The following FBN1 variants were observed in gnomAD, a reference collection of about 807,000 sequenced individuals.
FBN1 encodes fibrillin 1.
A neutral mutation model predicts 365.1 loss-of-function variants in FBN1; 29 were observed. That is an observed-to-expected ratio of 0.08 (90% CI 0.06 to 0.11). The LOEUF is 0.11. Among genes scored for constraint, FBN1 ranks in the 10% least tolerant of loss-of-function variants. FBN1 has a pLI of 1.00. For synonymous variants in FBN1, 1,210 were observed against 1,270.5 expected (o/e 0.95, Z 1.01); for missense variants, 2,476 against 3,703.2 (o/e 0.67, Z 8.60).
In FBN1 at chr15:48,470,766, A is replaced by G. The variant is rs2043367157; in HGVS notation, c.4337-10T>C. The G allele has an allele frequency of 6.2e-7, 1 of 1,613,520 alleles. No individual in the cohort carries two copies. The stretch of plus-strand genomic sequence containing the variant: ...GAGCACTCATCAATATCTTGGGGGG[A>G]GGGAGAAAAAAGCAAAAAACTTAAC... On this transcript the variant is annotated splice_polypyrimidine_tract_variant and intron_variant, in intron 35 of 65. Transcript: ENST00000316623.
rs191746938 is a variant in FBN1, at chr15:48,413,553, T to C, written c.8052-810A>G. Reference sequence around the variant, plus strand: ...TTTCACAAGTACCTTGTTTTGTTATTCTGCTTACTATTTCAGAGGCCACTT... The same window carrying C: ...TTTCACAAGTACCTTGTTTTGTTATCCTGCTTACTATTTCAGAGGCCACTT... On this transcript the variant is annotated intron_variant, in intron 64 of 65. Coordinates refer to ENST00000316623, the MANE Select transcript of FBN1 (RefSeq NM_000138.5). Among the ~76,000 whole-genome samples the C allele has an allele frequency of 5.9e-5, 9 of 152,356 alleles. No homozygotes were observed. In the East Asian group the frequency reaches 1.7e-3, roughly 29 times the overall value.
intron 54 of FBN1, among the ~76,000 whole-genome samples, chr15:48,433,527 C>A (rs1354907874): frequency 6.6e-6 from 1 of 152,176 alleles, no homozygotes; most frequent in Non-Finnish European, 1.5e-5. Flanking sequence ...TCATTTTATA[C>A]TGACAGAGAC....
intron 64 of FBN1, among the ~76,000 whole-genome samples, chr15:48,413,410 A>G (rs1014195231): frequency 1.3e-5 from 2 of 152,240 alleles, no homozygotes; most frequent in Non-Finnish European, 2.9e-5. Context: ...CACTAGGGCC[A>G]CTGGCTCCGA....
At chr15:48,448,028 A>G (rs1215953167) in intron 46 of FBN1, among the ~76,000 whole-genome samples, 1 of 152,170 alleles carries the variant, frequency 6.6e-6, no homozygotes, top group Non-Finnish European at 1.5e-5. Context: ...AGTGATGAGT[A>G]GGGCTGTCAG....
At position 48,427,782 on chromosome 15, in the gene FBN1, G is replaced by GAC. The variant is rs781182393; in HGVS notation, c.6998-11_6998-10dup. On this transcript the variant is annotated splice_polypyrimidine_tract_variant and intron_variant, in intron 57 of 65. Coordinates refer to ENST00000316623, the MANE Select transcript of FBN1 (RefSeq NM_000138.5). ...GTACCCTTCCCGATTGTCTGGAAGG[G>GAC]ACATTATATGGCAAAGGGGATGTCA... is the stretch of plus-strand genomic sequence containing the variant. The GAC allele has an allele frequency of 5.0e-6, 8 of 1,611,800 alleles. No individual in the cohort carries two copies. Among genetic ancestry groups the GAC allele is most frequent in the African/African-American group, 1.3e-5 (1 of 74,878 alleles).
intron 4 of FBN1, among the ~76,000 whole-genome samples, chr15:48,602,375 G>A (rs946899866): frequency 6.6e-6 from 1 of 152,140 alleles, no homozygotes; most frequent in Non-Finnish European, 1.5e-5. Flanking sequence ...AGTGGGGAGT[G>A]GGAGAGCATT....
chr15:48,528,348 A>G (rs1317480594), intron 8 of FBN1, among the ~76,000 whole-genome samples: 2 of 152,222 alleles, frequency 1.3e-5, no homozygotes, highest in Admixed American at 1.3e-4. Context: ...GAAGATAACA[A>G]TAACAAGAAC....
rs371929738 is a variant in FBN1 at position 48,516,268 on chromosome 15, A to C, written c.1242T>G (p.Pro414=). ...PPLGPIPPVL[P]VPPGFPPGPQ... Reference sequence around the variant, plus strand: ...GTCCAGGAGGAAAGCCAGGAGGAACAGGGAGAACTGGAGGAATGGGGCCAA... The same window carrying C: ...GTCCAGGAGGAAAGCCAGGAGGAACCGGGAGAACTGGAGGAATGGGGCCAA... The change falls in exon 11 of 66, where the codon CCT becomes CCG. Residue 414 remains proline, a synonymous_variant. Coordinates refer to ENST00000316623, the MANE Select transcript of FBN1 (RefSeq NM_000138.5). The C allele has an allele frequency of 6.4e-5, 101 of 1,578,164 alleles. No individual in the cohort carries two copies. The highest frequency in any genetic ancestry group is 1.9e-4 in the Admixed American group (11 of 58,868).
intron 2 of FBN1, among the ~76,000 whole-genome samples, chr15:48,628,695 C>T (rs1444293532): frequency 1.3e-5 from 2 of 152,168 alleles, no homozygotes; most frequent in African/African-American, 2.4e-5. Flanking sequence ...ACATTACTGG[C>T]TGTGAAGCAT....
chr15:48,489,770 A>G (rs2043540112), intron 25 of FBN1, 81 bp downstream of exon 25: 3 of 1,063,556 alleles, frequency 2.8e-6, no homozygotes, highest in South Asian at 2.5e-5. Context: ...GGGATGATCA[A>G]GTAGAGTGCT....
intron 2 of FBN1, among the ~76,000 whole-genome samples, chr15:48,623,385 G>A (rs770696779): frequency 1.3e-5 from 2 of 152,182 alleles, no homozygotes; most frequent in Non-Finnish European, 2.9e-5. Flanking sequence ...TTATTTCACT[G>A]ACATGCCTGT....
intron 43 of FBN1, among the ~76,000 whole-genome samples, chr15:48,459,497 G>A (rs1391623643): frequency 6.6e-6 from 1 of 152,184 alleles, no homozygotes; most frequent in Non-Finnish European, 1.5e-5. Flanking sequence ...TATGAATAAG[G>A]TGGAATAAAG....
At position 48,463,159 on chromosome 15, in the gene FBN1, T is replaced by A. The variant is rs2043292832; in HGVS notation, c.5147A>T (p.Lys1716Met). ...CDGELLFNMTKKMCCCSYNIG... is the reference protein window; with the variant it reads ...CDGELLFNMTMKMCCCSYNIG... ...GTTGTAGGAACAGCAGCACATCTTCTTGGTCATGTTGAATAACAATTCTCC... is the reference window on the plus strand; with the variant it reads ...GTTGTAGGAACAGCAGCACATCTTCATGGTCATGTTGAATAACAATTCTCC... Residue 1716 changes from lysine to methionine, a missense_variant, in exon 42 of 66, where the codon AAG (lysine) becomes ATG (methionine). Coordinates refer to ENST00000316623, the MANE Select transcript of FBN1 (RefSeq NM_000138.5). 5 of 1,614,078 alleles carry A rather than the reference T, an allele frequency of 3.1e-6. No individual in the cohort carries two copies. Among genetic ancestry groups the A allele is most frequent in the Non-Finnish European group, 4.2e-6 (5 of 1,180,004 alleles).
intron 18 of FBN1, 108 bp from the exon 19 acceptor site, chr15:48,497,499 A>C (rs947235724): frequency 7.5e-5 from 83 of 1,108,858 alleles, no homozygotes; most frequent in Non-Finnish European, 1.0e-4. Context: ...GAGCTACAGG[A>C]GGAAAAAAAT....
chr15:48,537,904 G>T, intron 6 of FBN1, 96 bp from the exon 7 acceptor site: 1 of 1,248,028 alleles, frequency 8.0e-7, no homozygotes, highest in South Asian at 1.2e-5. Flanking sequence ...ACTCCAAATT[G>T]AGAAATGAAT....
chr15:48,446,816 T>C lies in FBN1; in HGVS notation c.5678A>G (p.Asn1893Ser), dbSNP rs1597533707. ...NDDQTMCLDINECERDACGNG... is the reference protein window; with the variant it reads ...NDDQTMCLDISECERDACGNG... ...CCCACAGGCATCTCTTTCACATTCA[T>C]TTATGTCTAGTAGGAAGAAAGGCCA... is the stretch of plus-strand genomic sequence containing the variant. Residue 1893 changes from asparagine to serine, a missense_variant, in exon 47 of 66, where the codon AAT (asparagine) becomes AGT (serine). Around this residue, in one of 5 missense-constraint regions of FBN1, gnomAD observed 1,780 missense variants for 2,840.8 expected, o/e 0.63. Transcript: ENST00000316623. 1 of 1,601,730 alleles carries C rather than the reference T, an allele frequency of 6.2e-7. No individual in the cohort carries two copies. The highest frequency in any genetic ancestry group is 8.6e-7 in the Non-Finnish European group (1 of 1,168,902).
At chr15:48,534,961 C>T (rs984601032) in intron 7 of FBN1, among the ~76,000 whole-genome samples, 3 of 152,138 alleles carry the variant, frequency 2.0e-5, no homozygotes, top group African/African-American at 7.2e-5. Flanking sequence ...CTGGGGAGTT[C>T]GACATGACTT....
At chr15:48,463,347 T>A in intron 41 of FBN1, 107 bp from the exon 42 acceptor site, 1 of 1,121,474 alleles carries the variant, frequency 8.9e-7, no homozygotes, top group Non-Finnish European at 1.4e-6. Flanking sequence ...TTGAATTGTA[T>A]TGTAGCTTGA....
At chr15:48,508,291 C>T (rs550598125) in intron 15 of FBN1, among the ~76,000 whole-genome samples, 6 of 152,218 alleles carry the variant, frequency 3.9e-5, no homozygotes, top group Non-Finnish European at 8.8e-5. Flanking sequence ...AGAACAATGC[C>T]CACATCTGTT....
Sources: gnomAD v4.1 joint callset for allele counts (sites outside exome capture counted in the v4.1 genomes callset) on GRCh38, gnomAD v4.1.1 for gene constraint, gnomAD v4.1.1 regional missense constraint, MANE v1.5 for transcripts, NCBI Gene and HGNC (gene_info 2026-07-23, HGNC 2026-07-21) for gene names.